The following TRAPPC9 variants were observed in gnomAD, a reference collection of about 807,000 sequenced individuals.
The protein encoded by TRAPPC9 is IKK2 binding protein.
Under a neutral mutation model 124.0 loss-of-function variants are expected in TRAPPC9, and 83 were observed. The observed-to-expected ratio is 0.67, with a 90% CI of 0.56 to 0.80. The LOEUF (loss-of-function observed/expected upper bound fraction) is 0.80, where lower values mean the gene tolerates loss of function less well. Ranked by LOEUF, TRAPPC9 falls within the 30% of genes least tolerant of loss-of-function variation. The pLI is 0.00. For synonymous variants in TRAPPC9, 638 were observed against 617.5 expected (o/e 1.03, Z -0.49); for missense variants, 1,302 against 1,508.3 (o/e 0.86, Z 2.27).
intron 21 of TRAPPC9, among the ~76,000 whole-genome samples, chr8:139,879,412 A>C (rs756458433): frequency 6.6e-6 from 1 of 152,162 alleles, no homozygotes; most frequent in Non-Finnish European, 1.5e-5. Context: ...AGTGAGGGGC[A>C]GACAAAACTC....
At chr8:139,784,638 TATATATAA>T (rs1463534518) in intron 21 of TRAPPC9, among the ~76,000 whole-genome samples, 2 of 135,810 alleles carry the variant, frequency 1.5e-5, no homozygotes, top group South Asian at 2.4e-4. Context: ...TATATATATA[TATATATAA>T]ATCAACTGCA....
chr8:139,866,508 C>T (rs1331161606), intron 21 of TRAPPC9, among the ~76,000 whole-genome samples: 1 of 152,112 alleles, frequency 6.6e-6, no homozygotes, highest in Non-Finnish European at 1.5e-5. Flanking sequence ...GGCTGGGTCC[C>T]CTTGGTGACC....
At position 140,321,618 on chromosome 8, in the gene TRAPPC9, G is replaced by A. The variant is rs186770510; in HGVS notation, c.1496-10244C>T. Among the ~76,000 whole-genome samples, 26 of 152,308 alleles carry A rather than the reference G, an allele frequency of 1.7e-4. 1 individual carries two copies. The East Asian group carries it at 5.0e-3, about 29-fold the overall frequency. On this transcript the variant is annotated intron_variant, in intron 9 of 22. Transcript: ENST00000438773. ...TCCCTGGCAGAGGAGCAAGAGAAGG[G>A]AGAATTGGGCAGAGAACGGGGGAAG...
intron 14 of TRAPPC9, among the ~76,000 whole-genome samples, chr8:140,282,557 A>G (rs2065356181): frequency 1.1e-5 from 1 of 93,246 alleles, no homozygotes; most frequent in Admixed American, 1.1e-4. Context: ...ACAGAGCAAG[A>G]CTCCGTCAAA....
At chr8:139,832,344 C>T (rs1371587144) in intron 21 of TRAPPC9, among the ~76,000 whole-genome samples, 1 of 152,256 alleles carries the variant, frequency 6.6e-6, no homozygotes. Context: ...TCTGACAAGG[C>T]ACGTACACCA....
intron 2 of TRAPPC9, among the ~76,000 whole-genome samples, chr8:140,449,797 A>G (rs187046358): frequency 6.6e-6 from 1 of 152,338 alleles, no homozygotes; most frequent in East Asian, 1.9e-4. Context: ...CTTCTAGCTC[A>G]GCTAGGACCT....
At chr8:139,932,694 G>T in intron 19 of TRAPPC9, 1 of 375,730 alleles carries the variant, frequency 2.7e-6, no homozygotes, top group Non-Finnish European at 5.3e-6. Flanking sequence ...AACCCCAGAG[G>T]TGGAGGTTGC....
intron 9 of TRAPPC9, among the ~76,000 whole-genome samples, chr8:140,322,717 T>C (rs967341667): frequency 5.3e-5 from 8 of 152,054 alleles, no homozygotes; most frequent in Admixed American, 5.2e-4. Flanking sequence ...GCACCTGTAT[T>C]CCCAACTATG....
At chr8:139,898,706 G>A (rs1285558119) in intron 20 of TRAPPC9, among the ~76,000 whole-genome samples, 1 of 152,248 alleles carries the variant, frequency 6.6e-6, no homozygotes. Context: ...TTCTGTGAAG[G>A]GGAAACTGAG....
chr8:140,381,630 T>C (rs1248924351), intron 7 of TRAPPC9, among the ~76,000 whole-genome samples: 1 of 123,548 alleles, frequency 8.1e-6, no homozygotes, highest in Non-Finnish European at 1.6e-5. Context: ...ATTGTGCCAC[T>C]GCACTCCAGC....
chr8:139,988,729 T>C lies in TRAPPC9; in HGVS notation c.2807A>G (p.Gln936Arg). 3 of 1,547,598 alleles carry C rather than the reference T, an allele frequency of 1.9e-6. No individual in the cohort carries two copies. Among genetic ancestry groups the C allele is most frequent in the Middle Eastern group, 1.9e-4 (1 of 5,370 alleles). Residue 936 changes from glutamine (Q) to arginine (R), a missense_variant, in exon 19 of 23, where the codon CAG (glutamine) becomes CGG (arginine). Transcript: ENST00000438773. Reference protein sequence around the residue: ...EALILHAGECQRMAIQVDKFN... With the variant: ...EALILHAGECRRMAIQVDKFN... ...CGAGGGTCTATGGGACACTTACCGCTGGCACTCACCGGCGTGCAGGATGAG... is the reference window on the plus strand; with the variant it reads ...CGAGGGTCTATGGGACACTTACCGCCGGCACTCACCGGCGTGCAGGATGAG...
chr8:139,878,512 CCCAGCTGTGCAGTGCTGGGGGAGA>C (rs1563886039), intron 21 of TRAPPC9, among the ~76,000 whole-genome samples: 2 of 152,162 alleles, frequency 1.3e-5, no homozygotes. Context: ...GCTGTTCCCT[CCCAGCTGTGCAGTGCTGGGGGAGA>C]CCAGCTGTGC....
intron 16 of TRAPPC9, among the ~76,000 whole-genome samples, chr8:140,225,217 C>A (rs2063419743): frequency 6.6e-6 from 1 of 152,214 alleles, no homozygotes; most frequent in African/African-American, 2.4e-5. Context: ...TTGTCAGATT[C>A]ACCATTATGC....
intron 16 of TRAPPC9, among the ~76,000 whole-genome samples, chr8:140,225,147 C>G (rs1563861012): frequency 6.6e-6 from 1 of 152,212 alleles, no homozygotes. Flanking sequence ...ATTCCTACTG[C>G]AGCAAATTAT....
At chr8:139,967,861 G>C (rs951341198) in intron 19 of TRAPPC9, among the ~76,000 whole-genome samples, 1 of 152,140 alleles carries the variant, frequency 6.6e-6, no homozygotes, top group African/African-American at 2.4e-5. Context: ...AATGGTGGCC[G>C]GGCGCGGTGG....
chr8:140,243,677 C>A (rs2063915251), intron 16 of TRAPPC9, among the ~76,000 whole-genome samples: 2 of 152,228 alleles, frequency 1.3e-5, no homozygotes, highest in South Asian at 4.1e-4. Context: ...CTATTACCCT[C>A]CTCTCTGACA....
At chr8:140,446,532 G>A (rs2071265691) in intron 2 of TRAPPC9, among the ~76,000 whole-genome samples, 1 of 152,102 alleles carries the variant, frequency 6.6e-6, no homozygotes, top group African/African-American at 2.4e-5. Context: ...CTCATAAGGG[G>A]CGCAAAAGAC....
In TRAPPC9 at chr8:140,320,248, G is replaced by C. The variant is rs117412363; in HGVS notation, c.1496-8874C>G. ...ACATAACAATGCTGAGGTCTCTTTG[G>C]AGGCTTCCACTAAGCAGGGCTTTGT... On this transcript the variant is annotated intron_variant, in intron 9 of 22. Transcript: ENST00000438773. Among the ~76,000 whole-genome samples, 25 of 152,294 alleles carry C rather than the reference G, an allele frequency of 1.6e-4. No individual in the cohort carries two copies. The East Asian group carries it at 4.6e-3, about 28-fold the overall frequency.
chr8:140,212,319 T>C (rs1343235569), intron 17 of TRAPPC9, among the ~76,000 whole-genome samples: 1 of 152,264 alleles, frequency 6.6e-6, no homozygotes, highest in Non-Finnish European at 1.5e-5. Context: ...TGGGTTTTTA[T>C]CAAACGCTTT....
Sources: allele counts gnomAD v4.1 joint callset (sites outside exome capture counted in the v4.1 genomes callset), GRCh38; gene constraint gnomAD v4.1.1; transcripts MANE v1.5; gene names NCBI Gene and HGNC (gene_info 2026-07-23, HGNC 2026-07-21).